Variants in ADAMTS9 observed in about 807,000 individuals in gnomAD.
ADAMTS9 encodes A disintegrin and metalloproteinase with thrombospondin motifs 9.
ADAMTS9 carries 107 observed loss-of-function variants against 257.1 expected under a neutral mutation model. The ratio of observed to expected loss-of-function variants is 0.42; its 90% CI spans 0.36 to 0.49. The LOEUF is 0.49. Ranked by LOEUF, ADAMTS9 falls within the 20% of genes least tolerant of loss-of-function variation. The pLI is 0.03. For synonymous variants in ADAMTS9, 982 were observed against 880.9 expected (o/e 1.11, Z -2.03); for missense variants, 2,353 against 2,469.1 (o/e 0.95, Z 1.00).
chr3:64,520,811 G>T (rs932103646), intron 39 of ADAMTS9, among the ~76,000 whole-genome samples: 4 of 152,070 alleles, frequency 2.6e-5, no homozygotes, highest in African/African-American at 9.7e-5. Flanking sequence ...ATACATTAAA[G>T]ACTTAAATGT....
intron 29 of ADAMTS9, among the ~76,000 whole-genome samples, chr3:64,564,619 G>GT (rs879526565): frequency 7.1e-5 from 10 of 141,472 alleles, no homozygotes; most frequent in African/African-American, 2.8e-4. Flanking sequence ...TTTTGTGTGT[G>GT]GGGGGGGCGT....
chr3:64,686,635 C>T lies in ADAMTS9; in HGVS notation c.449G>A (p.Cys150Tyr), dbSNP rs1421946549. The T allele has an allele frequency of 6.2e-7, 1 of 1,614,068 alleles. No homozygotes were observed. Among genetic ancestry groups the T allele is most frequent in the Non-Finnish European group, 8.5e-7 (1 of 1,180,010 alleles). The change falls in exon 2 of 40, where the codon TGT (cysteine) becomes TAT (tyrosine). Residue 150 changes from cysteine (C) to tyrosine (Y), a missense_variant. Transcript: ENST00000498707. This position sits in a 1 kb window ranked among gnomAD's most constrained non-coding sequence, Gnocchi z 4.6. ...GGTATTGACATAGCCTTTGTAGAAA[C>T]AGTGCTTGAGTTCCGCTTCCTCTTC... ...YSEEEAELKH[C>Y]FYKGYVNTNS...
intron 28 of ADAMTS9, among the ~76,000 whole-genome samples, chr3:64,569,305 G>C (rs1001456777): frequency 1.3e-5 from 2 of 152,178 alleles, no homozygotes; most frequent in Non-Finnish European, 2.9e-5. Flanking sequence ...TGAGTGTGCT[G>C]AGATATGCAA....
chr3:64,532,708 G>T (rs542723977), intron 38 of ADAMTS9, among the ~76,000 whole-genome samples: 17 of 152,266 alleles, frequency 1.1e-4, no homozygotes, highest in African/African-American at 3.9e-4. Context: ...TAGACCCTGT[G>T]TATCTCTAAT....
intron 2 of ADAMTS9, among the ~76,000 whole-genome samples, chr3:64,685,546 G>C (rs1315128814): frequency 6.6e-6 from 1 of 152,188 alleles, no homozygotes; most frequent in Non-Finnish European, 1.5e-5. Context: ...ACCCTTGCTC[G>C]GGCCAGAACC....
Position 64,615,372 on chromosome 3 carries a change from C to G in ADAMTS9, c.3138G>C (p.Gln1046His). The change falls in exon 21 of 40, where the codon CAG becomes CAC. Residue 1046 changes from glutamine to histidine, a missense_variant. Gln to His is a conservative substitution (Grantham distance 24). Transcript: ENST00000498707. ...GTGGACAAGGGAACTCACTGCACCT[C>G]TGAATGGTAACTTTCTCTTGATGTG... ...KCTHQEKVTI[Q>H]RCSEFPCPQW... 3 of 1,614,096 alleles carry G rather than the reference C, an allele frequency of 1.9e-6. No individual in the cohort carries two copies. The highest frequency in any genetic ancestry group is 2.5e-6 in the Non-Finnish European group (3 of 1,179,954).
At chr3:64,595,895 T>C (rs1285801222) in intron 27 of ADAMTS9, among the ~76,000 whole-genome samples, 2 of 152,212 alleles carry the variant, frequency 1.3e-5, no homozygotes, top group African/African-American at 2.4e-5. Context: ...ACTTTAAATA[T>C]GTGCTCTCCC....
intron 2 of ADAMTS9, among the ~76,000 whole-genome samples, chr3:64,684,023 T>C (rs560207198): frequency 6.6e-6 from 1 of 152,210 alleles, no homozygotes; most frequent in African/African-American, 2.4e-5. Flanking sequence ...CATGTGAAGA[T>C]GAGTGAGAAG....
At chr3:64,612,708 A>G (rs1350763867) in intron 22 of ADAMTS9, among the ~76,000 whole-genome samples, 3 of 152,138 alleles carry the variant, frequency 2.0e-5, no homozygotes, top group African/African-American at 7.2e-5. Flanking sequence ...TTCTGCTTCT[A>G]TATTAGGAAG....
At chr3:64,545,800 G>T (rs556082897) in intron 32 of ADAMTS9, among the ~76,000 whole-genome samples, 3 of 152,120 alleles carry the variant, frequency 2.0e-5, no homozygotes, top group African/African-American at 7.2e-5. Flanking sequence ...ATGTCACCAT[G>T]TTGGCCAGGC....
At chr3:64,547,329 A>T (rs1576003576) in intron 31 of ADAMTS9, among the ~76,000 whole-genome samples, 1 of 127,606 alleles carries the variant, frequency 7.8e-6, no homozygotes, top group African/African-American at 2.8e-5. Flanking sequence ...TATGATGACC[A>T]CCAAATTGGG....
At chr3:64,611,856 GTGA>G (rs1361914793) in intron 22 of ADAMTS9, among the ~76,000 whole-genome samples, 9 of 152,248 alleles carry the variant, frequency 5.9e-5, no homozygotes, top group Middle Eastern at 3.4e-3. Flanking sequence ...TCCTTTTGGG[GTGA>G]TGAAGTTTCG....
intron 32 of ADAMTS9, among the ~76,000 whole-genome samples, chr3:64,546,444 C>T (rs2083200395): frequency 6.6e-6 from 1 of 152,144 alleles, no homozygotes; most frequent in African/African-American, 2.4e-5. Context: ...TTCATCTTCA[C>T]AACTACCAGT....
At chr3:64,548,603 GA>G (rs66583211) in intron 31 of ADAMTS9, among the ~76,000 whole-genome samples, 2,569 of 152,008 alleles carry the variant, frequency 0.017, 59 homozygotes, top group East Asian at 0.077. Flanking sequence ...ATGTGGGGGG[GA>G]GCCCAGTGGG....
chr3:64,569,047 TAG>T (rs2083612517), intron 28 of ADAMTS9: 1 of 154,934 alleles, frequency 6.5e-6, no homozygotes, highest in Non-Finnish European at 1.4e-5. Flanking sequence ...AAAGGCACGT[TAG>T]AAACTGAAAG....
intron 22 of ADAMTS9, among the ~76,000 whole-genome samples, chr3:64,608,925 C>A (rs2084615337): frequency 5.3e-5 from 8 of 151,932 alleles, no homozygotes; most frequent in Admixed American, 5.2e-4. Context: ...GATAGTACAT[C>A]ATGGCCAAGT....
chr3:64,662,608 T>C (rs185930249), intron 3 of ADAMTS9, among the ~76,000 whole-genome samples: 286 of 152,288 alleles, frequency 1.9e-3, no homozygotes, highest in Non-Finnish European at 3.1e-3. Context: ...TGTTTATAAT[T>C]ATTATATCTT....
rs756652687 is a variant in ADAMTS9, at chr3:64,631,504, A to G, written c.2340T>C (p.Asp780=). Reference sequence around the variant, plus strand: ...CCCCTGAGAAACTGTGCTGCCGCACATCAATATTGGTAGCACCAGCTGGAA... The same window carrying G: ...CCCCTGAGAAACTGTGCTGCCGCACGTCAATATTGGTAGCACCAGCTGGAA... ...VRIPAGATNI[D]VRQHSFSGET... is the part of the protein sequence containing the mutation. Residue 780 remains aspartate (D), a synonymous_variant, in exon 16 of 40, where the codon GAT becomes GAC. Transcript: ENST00000498707. 30 of 1,614,022 alleles carry G rather than the reference A, an allele frequency of 1.9e-5. No homozygotes were observed. The highest frequency in any genetic ancestry group is 2.1e-5 in the Non-Finnish European group (25 of 1,179,962).
At chr3:64,606,408 G>A in intron 23 of ADAMTS9, among the ~76,000 whole-genome samples, 1 of 152,160 alleles carries the variant, frequency 6.6e-6, no homozygotes, top group East Asian at 1.9e-4. Flanking sequence ...ATAGGTGGCA[G>A]CACACCCTTA....
Sources: gnomAD v4.1 joint callset for allele counts (sites outside exome capture counted in the v4.1 genomes callset) on GRCh38, gnomAD v4.1.1 for gene constraint, Gnocchi (gnomAD v3.1) non-coding constraint, MANE v1.5 for transcripts, NCBI Gene and HGNC (gene_info 2026-07-23, HGNC 2026-07-21) for gene names.